The following CSMD1 variants were observed in gnomAD, a reference collection of about 807,000 sequenced individuals.
CSMD1 encodes CUB and sushi domain-containing protein 1.
Under a neutral mutation model 417.5 loss-of-function variants are expected in CSMD1, and 213 were observed. That is an observed-to-expected ratio of 0.51 (90% confidence interval 0.46 to 0.57). CSMD1 has a LOEUF of 0.57. Ranked by LOEUF, CSMD1 falls within the 20% of genes least tolerant of loss-of-function variation. CSMD1 has a pLI of 0.00. For synonymous variants in CSMD1, 2,862 were observed against 1,736.8 expected (o/e 1.65, Z -16.11); for missense variants, 6,923 against 4,529.7 (o/e 1.53, Z -15.17).
At chr8:4,025,059 T>C (rs1379669263) in intron 4 of CSMD1, among the ~76,000 whole-genome samples, 1 of 152,168 alleles carries the variant, frequency 6.6e-6, no homozygotes, top group African/African-American at 2.4e-5. Context: ...ATCAGACTAA[T>C]ACTCACAAAA....
At chr8:4,172,863 T>C (rs759803075) in intron 3 of CSMD1, among the ~76,000 whole-genome samples, 15 of 152,084 alleles carry the variant, frequency 9.9e-5, no homozygotes, top group Non-Finnish European at 2.1e-4. Flanking sequence ...GCCGTGTGCG[T>C]AGGCATAAAA....
chr8:3,888,383 G>A (rs1333741861), intron 5 of CSMD1, among the ~76,000 whole-genome samples: 1 of 152,198 alleles, frequency 6.6e-6, no homozygotes, highest in Non-Finnish European at 1.5e-5. Context: ...AAGCTTCATA[G>A]AGAAGCCTAT....
At chr8:4,077,035 G>C (rs1013917619) in intron 3 of CSMD1, among the ~76,000 whole-genome samples, 1 of 151,998 alleles carries the variant, frequency 6.6e-6, no homozygotes, top group African/African-American at 2.4e-5. Flanking sequence ...AGGTAATTCT[G>C]TACTATGTGG....
At chr8:3,108,215 A>G (rs911003060) in intron 44 of CSMD1, among the ~76,000 whole-genome samples, 3 of 152,178 alleles carry the variant, frequency 2.0e-5, no homozygotes, top group South Asian at 2.1e-4. Flanking sequence ...GATGTTCTAC[A>G]TATCGTTTAG....
intron 5 of CSMD1, among the ~76,000 whole-genome samples, chr8:3,945,800 T>C (rs1457348873): frequency 6.6e-6 from 1 of 152,088 alleles, no homozygotes; most frequent in Non-Finnish European, 1.5e-5. Flanking sequence ...AATTTCAGAC[T>C]TCACACACCA....
intron 3 of CSMD1, among the ~76,000 whole-genome samples, chr8:4,372,988 A>C (rs1802489955): frequency 6.6e-6 from 1 of 152,204 alleles, no homozygotes; most frequent in African/African-American, 2.4e-5. Context: ...AAGTGACTTC[A>C]CACTGGACAG....
chr8:3,133,750 A>AT (rs1225501092), intron 41 of CSMD1, among the ~76,000 whole-genome samples: 1 of 152,132 alleles, frequency 6.6e-6, no homozygotes, highest in Non-Finnish European at 1.5e-5. Flanking sequence ...GGTTGGACTC[A>AT]TTCCCCCTCC....
intron 38 of CSMD1, among the ~76,000 whole-genome samples, chr8:3,160,142 A>G (rs1819791206): frequency 6.6e-6 from 1 of 152,014 alleles, no homozygotes; most frequent in Non-Finnish European, 1.5e-5. Context: ...TTCTTTTTTT[A>G]AGATAGGGTC....
At chr8:3,252,798 T>G (rs541607182) in intron 26 of CSMD1, among the ~76,000 whole-genome samples, 10 of 152,332 alleles carry the variant, frequency 6.6e-5, no homozygotes, top group Non-Finnish European at 1.5e-4. Context: ...TGGGAGGGTG[T>G]ATGTGTCCAG....
chr8:3,698,970 G>T (rs17398322), intron 7 of CSMD1, among the ~76,000 whole-genome samples: 1 of 152,236 alleles, frequency 6.6e-6, no homozygotes, highest in Non-Finnish European at 1.5e-5. Context: ...GGCTGATGAA[G>T]GTCCTCACTC....
In CSMD1 at chr8:4,178,415, T is replaced by G. The variant is rs1218876053; in HGVS notation, c.416-146316A>C. Among the ~76,000 whole-genome samples the G allele has an allele frequency of 2.0e-5, 3 of 151,038 alleles. No homozygotes were observed. The South Asian group carries it at 6.4e-4, about 32-fold the overall frequency. ...CTAAAAACTCTCAATAAATTAGGTA[T>G]TGATGGGACGTATCTCAAAATAATA... is the stretch of plus-strand genomic sequence containing the variant. On this transcript the variant is annotated intron_variant, in intron 3 of 69. Coordinates refer to ENST00000635120, the MANE Select transcript of CSMD1 (RefSeq NM_033225.6).
At chr8:4,414,998 T>C (rs1280025043) in intron 3 of CSMD1, among the ~76,000 whole-genome samples, 4 of 152,160 alleles carry the variant, frequency 2.6e-5, no homozygotes, top group African/African-American at 7.2e-5. Flanking sequence ...ATGTGATAAA[T>C]TGTCACATAG....
At chr8:4,086,737 T>C (rs1045037555) in intron 3 of CSMD1, among the ~76,000 whole-genome samples, 2 of 152,240 alleles carry the variant, frequency 1.3e-5, no homozygotes, top group African/African-American at 2.4e-5. Flanking sequence ...ACAAGTATTA[T>C]TGAGTTTCTG....
chr8:4,456,741 C>A (rs752706120), intron 2 of CSMD1, among the ~76,000 whole-genome samples: 1 of 152,120 alleles, frequency 6.6e-6, no homozygotes, highest in Non-Finnish European at 1.5e-5. Flanking sequence ...TCCTTACTGT[C>A]TAGTTGCTAG....
chr8:4,310,330 C>T (rs576550728), intron 3 of CSMD1, among the ~76,000 whole-genome samples: 1 of 152,260 alleles, frequency 6.6e-6, no homozygotes, highest in East Asian at 1.9e-4. Context: ...AAGGCCTCCA[C>T]ACTGGAATGA....
rs1449442632 is a variant in CSMD1, at chr8:3,523,007, ACACACACC to A, written c.1345-29289_1345-29282del. Among the ~76,000 whole-genome samples the A allele has an allele frequency of 5.7e-3, 589 of 104,102 alleles. 3 individuals carry two copies. The highest frequency in any genetic ancestry group is 0.03 in the South Asian group (100 of 3,374). The allele number at this position is 104,102 out of a possible 152,430, so 68.3% of individuals were successfully genotyped here. The stretch of plus-strand genomic sequence containing the variant: ...ACATACAAAATGGAGATACATATAT[ACACACACC>A]CACACACACACACACACACACACAC... On this transcript the variant is annotated intron_variant, in intron 10 of 69. Coordinates refer to ENST00000635120, the MANE Select transcript of CSMD1 (RefSeq NM_033225.6).
chr8:3,200,646 T>C (rs552610338), intron 32 of CSMD1, among the ~76,000 whole-genome samples: 150 of 151,470 alleles, frequency 9.9e-4, no homozygotes, highest in Non-Finnish European at 1.9e-3. Flanking sequence ...TGTCAAGCAG[T>C]GGTGGGAGGT....
At chr8:3,796,513 C>G (rs1585013622) in intron 5 of CSMD1, among the ~76,000 whole-genome samples, 1 of 139,466 alleles carries the variant, frequency 7.2e-6, no homozygotes, top group South Asian at 2.2e-4. Context: ...ATATATATAT[C>G]TATATATCTA....
rs371696159 is a variant in CSMD1, at chr8:4,296,696, G to GTTTTTTTT, written c.415+123249_415+123256dup. ...GGTCCCTGAAAACACGAAAATAAGG[G>GTTTTTTTT]TTTTTTTTTTTTTTTTTTTCTCCAG... On this transcript the variant is annotated intron_variant, in intron 3 of 69. Transcript: ENST00000635120. Among the ~76,000 whole-genome samples, 256 of 114,824 alleles carry GTTTTTTTT rather than the reference G, an allele frequency of 2.2e-3. 2 individuals carry two copies. The highest frequency in any genetic ancestry group is 7.0e-3 in the African/African-American group (212 of 30,336). 75.3% of individuals were successfully genotyped at this position (114,824 alleles called of 152,430 possible). A position where few individuals can be genotyped will look rare whatever the true frequency, so the allele number is the denominator to read the frequency against.
Sources: gnomAD v4.1 joint callset for allele counts (sites outside exome capture counted in the v4.1 genomes callset) on GRCh38, gnomAD v4.1.1 for gene constraint, MANE v1.5 for transcripts, NCBI Gene and HGNC (gene_info 2026-07-23, HGNC 2026-07-21) for gene names.